INO80: variants seen among roughly 807,000 people sequenced by gnomAD.
INO80 encodes the protein chromatin-remodeling ATPase INO80.
A neutral mutation model predicts 203.4 loss-of-function variants in INO80; 20 were observed. The observed-to-expected ratio is 0.10, with a 90% CI of 0.07 to 0.14. INO80 has a LOEUF of 0.14. INO80 is among the 10% of genes least tolerant of loss of function. INO80 has a pLI of 1.00. For missense variants in INO80, 1,419 were observed against 1,914.4 expected (o/e 0.74, Z 4.83); for synonymous variants, 726 against 685.2 (o/e 1.06, Z -0.93).
At chr15:41,032,082 GCACA>G (rs2140491749) in intron 24 of INO80, among the ~76,000 whole-genome samples, 1 of 129,134 alleles carries the variant, frequency 7.7e-6, no homozygotes, top group African/African-American at 3.8e-5. Flanking sequence ...GGACAGCACA[GCACA>G]GCACAGCACA....
At chr15:41,025,434 G>T (rs1230615245) in intron 25 of INO80, among the ~76,000 whole-genome samples, 2 of 152,156 alleles carry the variant, frequency 1.3e-5, no homozygotes, top group Non-Finnish European at 2.9e-5. Flanking sequence ...CTGGGAACAG[G>T]CTGGGCACAG....
intron 28 of INO80, chr15:40,999,452 C>T (rs1281725623): frequency 6.6e-6 from 1 of 152,150 alleles, no homozygotes; most frequent in Non-Finnish European, 1.5e-5. Flanking sequence ...TAGGTATGTC[C>T]TGTACAAATC....
intron 22 of INO80, among the ~76,000 whole-genome samples, chr15:41,047,895 C>T (rs900293539): frequency 4.6e-5 from 7 of 152,112 alleles, no homozygotes; most frequent in East Asian, 1.9e-4. Flanking sequence ...TAGGCTAAGA[C>T]GGAAGGAAGT....
chr15:41,113,234 T>C (rs1206381749), intron 1 of INO80, among the ~76,000 whole-genome samples: 1 of 151,200 alleles, frequency 6.6e-6, no homozygotes, highest in African/African-American at 2.4e-5. Context: ...TGAATTTGTA[T>C]GTTGGCATAT....
chr15:41,020,233 A>G (rs958719516), intron 26 of INO80, among the ~76,000 whole-genome samples: 6 of 152,040 alleles, frequency 3.9e-5, no homozygotes, highest in African/African-American at 1.4e-4. Flanking sequence ...AAAAAAAAGG[A>G]ATGTAGTCAA....
intron 33 of INO80, 27 bp downstream of exon 33, chr15:40,984,170 G>A: frequency 6.2e-7 from 1 of 1,609,908 alleles, no homozygotes; most frequent in Non-Finnish European, 8.5e-7. Context: ...TTACGGCTGT[G>A]ATGCAGGCAT....
intron 27 of INO80, among the ~76,000 whole-genome samples, chr15:41,007,775 A>AAAC (rs1415729761): frequency 6.6e-5 from 10 of 151,666 alleles, no homozygotes; most frequent in Non-Finnish European, 1.0e-4. Context: ...CAAAAAAAAA[A>AAAC]AAAACAAGAA....
Position 41,116,158 on chromosome 15 carries a change from G to A in INO80, c.-229C>T, listed in dbSNP as rs1283273736. On this transcript the variant is annotated 5_prime_UTR_variant, in exon 1 of 36. Coordinates refer to ENST00000648947, the MANE Select transcript of INO80 (RefSeq NM_017553.3). ...CCCTCCGCGGCTCCTGGGACCCCAA[G>A]ATGGCGGCGGCGCTGAGGCGGCTGC... 2.5e-6 allele frequency: 1 copy of A among 406,738 alleles called. No homozygotes were observed. The highest frequency in any genetic ancestry group is 2.1e-5 in the African/African-American group (1 of 48,700). The allele number at this position is 406,738 out of a possible 1,614,324, so 25.2% of individuals were successfully genotyped here. A position where few individuals can be genotyped will look rare whatever the true frequency, so the allele number is the denominator to read the frequency against.
intron 26 of INO80, chr15:41,017,265 A>G (rs1039091374): frequency 6.6e-6 from 1 of 152,130 alleles, no homozygotes; most frequent in African/African-American, 2.4e-5. Flanking sequence ...TTTAACTCCT[A>G]TCATATTCAG....
At chr15:41,016,519 C>T (rs2044213286) in intron 26 of INO80, among the ~76,000 whole-genome samples, 1 of 152,218 alleles carries the variant, frequency 6.6e-6, no homozygotes, top group Admixed American at 6.5e-5. Flanking sequence ...ACCAGGTATA[C>T]ATGGACATCT....
intron 28 of INO80, among the ~76,000 whole-genome samples, chr15:41,002,511 C>A (rs2043971796): frequency 6.6e-6 from 1 of 152,114 alleles, no homozygotes; most frequent in Non-Finnish European, 1.5e-5. Context: ...ATTGGGTAAG[C>A]CAGGAGAACG....
At chr15:41,101,838 C>G (rs934625042) in intron 1 of INO80, among the ~76,000 whole-genome samples, 2 of 151,900 alleles carry the variant, frequency 1.3e-5, no homozygotes, top group Admixed American at 6.6e-5. Flanking sequence ...GCGTGAGCCA[C>G]CGCACCCGGC....
chr15:40,983,178 GCATTTGTTTTAGGACC>G, intron 34 of INO80, 101 bp from the exon 35 acceptor site: 1 of 966,386 alleles, frequency 1.0e-6, no homozygotes, highest in South Asian at 1.6e-5. Flanking sequence ...AGCTCTTAGG[GCATTTGTTTTAGGACC>G]CATGAGGAGG....
In INO80 at chr15:41,116,069, C is replaced by T. The variant is rs943251531; in HGVS notation, c.-140G>A. 4 of 396,336 alleles carry T rather than the reference C, an allele frequency of 1.0e-5. No individual in the cohort carries two copies. The highest frequency in any genetic ancestry group is 1.8e-5 in the Non-Finnish European group (4 of 224,574). 24.6% of individuals were successfully genotyped at this position (396,336 alleles called of 1,614,324 possible). On this transcript the variant is annotated 5_prime_UTR_variant, in exon 1 of 36. Coordinates refer to ENST00000648947, the MANE Select transcript of INO80 (RefSeq NM_017553.3). Reference sequence around the variant, plus strand: ...GGGGTCGCCCCGCCGACGGTGGAGCCGCGGTTCGCTCTCTGAGGCCGTGGG... The same window carrying T: ...GGGGTCGCCCCGCCGACGGTGGAGCTGCGGTTCGCTCTCTGAGGCCGTGGG...
chr15:40,984,140 C>CT (rs1413469117), intron 33 of INO80, 57 bp downstream of exon 33: 21 of 1,570,182 alleles, frequency 1.3e-5, no homozygotes, highest in Non-Finnish European at 1.7e-5. Flanking sequence ...TGTGTCCCTG[C>CT]TACACGGTCA....
chr15:41,077,032 C>T (rs373033136), intron 9 of INO80, among the ~76,000 whole-genome samples: 105 of 152,046 alleles, frequency 6.9e-4, no homozygotes, highest in African/African-American at 2.5e-3. Flanking sequence ...CTCAGCCTCC[C>T]GAGTAGCTAG....
intron 27 of INO80, among the ~76,000 whole-genome samples, chr15:41,015,107 T>A (rs1486038481): frequency 6.6e-6 from 1 of 152,228 alleles, no homozygotes; most frequent in East Asian, 1.9e-4. Flanking sequence ...TGTGACCTCC[T>A]GTCCCTTAAA....
intron 24 of INO80, among the ~76,000 whole-genome samples, chr15:41,029,709 A>T (rs745430437): frequency 6.6e-6 from 1 of 152,216 alleles, no homozygotes; most frequent in African/African-American, 2.4e-5. Context: ...GCCCATTATC[A>T]CTTGAATGTC....
intron 17 of INO80, among the ~76,000 whole-genome samples, chr15:41,056,249 A>G (rs1188539363): frequency 1.3e-5 from 2 of 152,108 alleles, no homozygotes; most frequent in African/African-American, 2.4e-5. Context: ...CGCAGCCTCT[A>G]TAAGGATTTC....
Sources: gnomAD v4.1 joint callset for allele counts (sites outside exome capture counted in the v4.1 genomes callset) on GRCh38, gnomAD v4.1.1 for gene constraint, MANE v1.5 for transcripts, NCBI Gene and HGNC (gene_info 2026-07-23, HGNC 2026-07-21) for gene names.